Variants in PPARGC1A observed in about 807,000 individuals in gnomAD.
PPARGC1A encodes the protein PPARG coactivator 1 alpha.
Under a neutral mutation model 88.7 loss-of-function variants are expected in PPARGC1A, and 25 were observed. The observed-to-expected ratio is 0.28, with a 90% CI of 0.21 to 0.39. The LOEUF is 0.39. Among genes scored for constraint, PPARGC1A ranks in the 10% least tolerant of loss-of-function variants. The pLI, the probability that PPARGC1A is intolerant of heterozygous loss-of-function variation, is 1.00. For synonymous variants in PPARGC1A, 363 were observed against 355.6 expected (o/e 1.02, Z -0.24); for missense variants, 880 against 968.7 (o/e 0.91, Z 1.22).
the PPARGC1A span, among the ~76,000 whole-genome samples, chr4:24,396,377 C>A: frequency 1.5e-4 from 23 of 152,238 alleles, no homozygotes; most frequent in South Asian, 2.1e-4. Context: ...AATCGCTTCC[C>A]CCAGTCTCTA....
At chr4:24,027,967 C>T in the PPARGC1A span, among the ~76,000 whole-genome samples, 4 of 152,144 alleles carry the variant, frequency 2.6e-5, no homozygotes, top group Non-Finnish European at 5.9e-5. Context: ...ATCCTCACAG[C>T]TACGCTCTGA....
chr4:24,351,195 C>T, the PPARGC1A span, among the ~76,000 whole-genome samples: 1 of 150,610 alleles, frequency 6.6e-6, no homozygotes, highest in East Asian at 2.0e-4. Flanking sequence ...CACGCCACTG[C>T]ACTCCAGCCT....
the PPARGC1A span, among the ~76,000 whole-genome samples, chr4:24,341,380 T>G: frequency 1.3e-5 from 2 of 152,236 alleles, no homozygotes; most frequent in Non-Finnish European, 2.9e-5. Flanking sequence ...TTTTATTAAA[T>G]TGGCACATAT....
the PPARGC1A span, among the ~76,000 whole-genome samples, chr4:24,197,585 A>G: frequency 6.6e-6 from 1 of 152,204 alleles, no homozygotes; most frequent in African/African-American, 2.4e-5. Flanking sequence ...AGACTTAAAG[A>G]GGAAGGGAAA....
chr4:23,896,552 T>C (rs1718625655), intron 1 of PPARGC1A, among the ~76,000 whole-genome samples: 1 of 152,118 alleles, frequency 6.6e-6, no homozygotes, highest in Non-Finnish European at 1.5e-5. Context: ...CCCAGAATTA[T>C]GGAGAGAAGG....
At chr4:24,356,732 C>G in the PPARGC1A span, among the ~76,000 whole-genome samples, 1 of 152,142 alleles carries the variant, frequency 6.6e-6, no homozygotes, top group African/African-American at 2.4e-5. Context: ...TTCCCACAGG[C>G]CAAGCAGTCT....
the PPARGC1A span, among the ~76,000 whole-genome samples, chr4:24,108,707 C>G: frequency 2.0e-5 from 3 of 152,114 alleles, no homozygotes; most frequent in African/African-American, 7.2e-5. Flanking sequence ...AGCCTGGACT[C>G]TTGACCAGTA....
chr4:24,345,443 G>A, the PPARGC1A span, among the ~76,000 whole-genome samples: 1 of 152,092 alleles, frequency 6.6e-6, no homozygotes, highest in African/African-American at 2.4e-5. Flanking sequence ...TTTCAGCAGT[G>A]TTTCATAGTT....
chr4:24,179,916 T>C, the PPARGC1A span, among the ~76,000 whole-genome samples: 2 of 152,164 alleles, frequency 1.3e-5, no homozygotes, highest in Non-Finnish European at 2.9e-5. Flanking sequence ...AAACATGGGA[T>C]TATTTGATCA....
the PPARGC1A span, among the ~76,000 whole-genome samples, chr4:24,445,107 A>G: frequency 6.6e-6 from 1 of 152,088 alleles, no homozygotes; most frequent in Non-Finnish European, 1.5e-5. Flanking sequence ...GCATCCCTAC[A>G]CTGACCTGAC....
the PPARGC1A span, among the ~76,000 whole-genome samples, chr4:24,009,868 T>G: frequency 3.3e-3 from 503 of 152,254 alleles, 5 homozygotes; most frequent in African/African-American, 0.012. Context: ...AACCTGCTAT[T>G]TTACACAGAC....
intron 7 of PPARGC1A, among the ~76,000 whole-genome samples, chr4:23,816,146 G>A (rs1721947848): frequency 1.3e-5 from 2 of 152,142 alleles, no homozygotes; most frequent in African/African-American, 2.4e-5. Flanking sequence ...GTTTGACTTC[G>A]GAGTTCCAAC....
At chr4:24,168,666 CAAT>C in the PPARGC1A span, among the ~76,000 whole-genome samples, 7 of 150,272 alleles carry the variant, frequency 4.7e-5, no homozygotes, top group Non-Finnish European at 8.8e-5. Context: ...CACACACACA[CAAT>C]GATAAGAGTA....
the PPARGC1A span, among the ~76,000 whole-genome samples, chr4:23,992,334 GATA>G: frequency 1.1e-3 from 32 of 30,344 alleles, no homozygotes; most frequent in Admixed American, 6.6e-3. Context: ...ATTATTATCA[GATA>G]ATATTATTAC....
At chr4:23,839,351 T>TG (rs796385065) in intron 2 of PPARGC1A, among the ~76,000 whole-genome samples, 1 of 152,120 alleles carries the variant, frequency 6.6e-6, no homozygotes, top group South Asian at 2.1e-4. Context: ...GGGGAGGTTG[T>TG]GGGGGTCATG....
the PPARGC1A span, among the ~76,000 whole-genome samples, chr4:24,388,794 G>A: frequency 2.0e-5 from 3 of 151,294 alleles, 1 homozygote; most frequent in East Asian, 5.9e-4. Flanking sequence ...ACAGGGAGGG[G>A]AACATCACAC....
the PPARGC1A span, among the ~76,000 whole-genome samples, chr4:24,097,504 G>T: frequency 6.6e-6 from 1 of 152,058 alleles, no homozygotes. Flanking sequence ...TTTTCCCATA[G>T]ATTTTACTTC....
chr4:23,889,353 C>T (rs1717445269), intron 1 of PPARGC1A: 1 of 985,126 alleles, frequency 1.0e-6, no homozygotes, highest in Non-Finnish European at 1.2e-6. Context: ...GAAGCAGCAT[C>T]GTTGTTTTGT....
the PPARGC1A span, among the ~76,000 whole-genome samples, chr4:24,444,295 A>C: frequency 6.6e-6 from 1 of 152,086 alleles, no homozygotes; most frequent in Non-Finnish European, 1.5e-5. Context: ...GGCCTTCCAA[A>C]GTGCTGGGAT....
Sources: gnomAD v4.1 joint callset for allele counts (sites outside exome capture counted in the v4.1 genomes callset) on GRCh38, gnomAD v4.1.1 for gene constraint, MANE v1.5 for transcripts, NCBI Gene and HGNC (gene_info 2026-07-23, HGNC 2026-07-21) for gene names.